The following CFTR variants were observed in gnomAD, a reference collection of about 807,000 sequenced individuals.
The protein encoded by CFTR is CF transmembrane conductance regulator, also known as cystic fibrosis transmembrane conductance regulator.
A neutral mutation model predicts 171.6 loss-of-function variants in CFTR; 181 were observed. That is an observed-to-expected ratio of 1.05 (90% CI 0.93 to 1.19). The LOEUF (loss-of-function observed/expected upper bound fraction) is 1.19, where lower values mean the gene tolerates loss of function less well. CFTR is among the 50% of genes most tolerant of loss of function. CFTR has a pLI of 0.00. For synonymous variants in CFTR, 583 were observed against 608.0 expected, an observed-to-expected ratio of 0.96 and a Z score of 0.60; for missense variants, 1,968 against 1,734.7, an observed-to-expected ratio of 1.13 and a Z score of -2.39.
intron 16 of CFTR, 108 bp downstream of exon 16, chr7:117,602,971 C>A: frequency 9.4e-7 from 1 of 1,063,588 alleles, no homozygotes; most frequent in South Asian, 1.3e-5. Flanking sequence ...TCATTTCTCC[C>A]AAGCATTATG....
Position 117,612,054 on chromosome 7 carries a change from CA to C in CFTR, c.3367+247del, listed in dbSNP as rs1347214848. Among the ~76,000 whole-genome samples, 5 of 46,516 alleles carry C rather than the reference CA, an allele frequency of 1.1e-4. 1 individual carries two copies. The highest frequency in any genetic ancestry group is 6.0e-4 in the South Asian group (1 of 1,680). 30.5% of individuals were successfully genotyped at this position (46,516 alleles called of 152,430 possible). A position where few individuals can be genotyped will look rare whatever the true frequency, so the allele number is the denominator to read the frequency against. On this transcript the variant is annotated intron_variant, in intron 20 of 26. Transcript: ENST00000003084. ...ATATATATATATATATATATATATA[CA>C]TATATATATATAGTATTATCCCTGT...
At chr7:117,501,796 AAAG>A (rs1798336915) in intron 1 of CFTR, among the ~76,000 whole-genome samples, 1 of 150,236 alleles carries the variant, frequency 6.7e-6, no homozygotes, top group African/African-American at 2.5e-5. Flanking sequence ...AAAAAAACAA[AAAG>A]CAAACAAACA....
rs145739042 is a variant in CFTR, at chr7:117,581,792, C to T, written c.1585-5947C>T. ...TTGAGACAAGATCTTACTCTGTCAC[C>T]CAGGCTGGAGTGCAATGGAGTGATC... On this transcript the variant is annotated intron_variant, in intron 11 of 26. Transcript: ENST00000003084. 7.2e-5 allele frequency among the ~76,000 whole-genome samples: 11 copies of T among 152,134 alleles called. 1 individual carries two copies. In the East Asian group the frequency reaches 2.1e-3, roughly 29 times the overall value.
chr7:117,567,834 A>G (rs1254428843), intron 11 of CFTR, among the ~76,000 whole-genome samples: 1 of 152,210 alleles, frequency 6.6e-6, no homozygotes, highest in Non-Finnish European at 1.5e-5. Flanking sequence ...GAAAACCAGT[A>G]CAGTTTGGTA....
intron 9 of CFTR, 144 bp from the exon 10 acceptor site, chr7:117,548,497 G>T (rs558444098): frequency 6.9e-7 from 1 of 1,441,230 alleles, no homozygotes; most frequent in Non-Finnish European, 9.3e-7. Flanking sequence ...GTACTATAAA[G>T]TAATAATGTA....
intron 4 of CFTR, 149 bp from the exon 5 acceptor site, chr7:117,534,127 G>T: frequency 1.7e-6 from 1 of 579,518 alleles, no homozygotes; most frequent in Non-Finnish European, 3.1e-6. Context: ...AACCTGAGAA[G>T]ATAGTAAGCT....
intron 17 of CFTR, 91 bp from the exon 18 acceptor site, chr7:117,606,583 T>C (rs1792303198): frequency 3.8e-6 from 3 of 782,084 alleles, no homozygotes; most frequent in Non-Finnish European, 6.9e-6. Context: ...TCTGAATGCG[T>C]CTACTGTGAT....
chr7:117,650,727 G>C (rs955525410), intron 23 of CFTR, among the ~76,000 whole-genome samples: 1 of 152,136 alleles, frequency 6.6e-6, no homozygotes, highest in African/African-American at 2.4e-5. Flanking sequence ...CATAGGAAGA[G>C]GAAGCTAATC....
chr7:117,548,570 A>G, intron 9 of CFTR, 71 bp from the exon 10 acceptor site: 12 of 1,567,930 alleles, frequency 7.7e-6, no homozygotes, highest in Non-Finnish European at 9.5e-6. Flanking sequence ...ACAAGCATCT[A>G]TTGAAAATAT....
At chr7:117,498,163 G>A (rs1798268243) in intron 1 of CFTR, among the ~76,000 whole-genome samples, 1 of 152,062 alleles carries the variant, frequency 6.6e-6, no homozygotes, top group African/African-American at 2.4e-5. Flanking sequence ...TTGTTTAGCA[G>A]CAAATAATTA....
In CFTR at chr7:117,667,400, T is replaced by A. The variant is rs1422026557; in HGVS notation, c.*292T>A. The A allele has an allele frequency of 2.5e-6, 1 of 399,214 alleles. No homozygotes were observed. The highest frequency in any genetic ancestry group is 2.1e-5 in the African/African-American group (1 of 48,634). 24.7% of individuals were successfully genotyped at this position (399,214 alleles called of 1,614,324 possible). On this transcript the variant is annotated 3_prime_UTR_variant, in exon 27 of 27. Coordinates refer to ENST00000003084, the MANE Select transcript of CFTR (RefSeq NM_000492.4). ...GATTTTCCTGAAAACCCTTGCCATG[T>A]GCTAGTAATTGGAAAGGCAGCTCTA...
chr7:117,587,716 T>C, intron 11 of CFTR, 23 bp from the exon 12 acceptor site: 1 of 1,401,706 alleles, frequency 7.1e-7, no homozygotes, highest in South Asian at 1.2e-5. Flanking sequence ...AGTGACTCTC[T>C]AATTTTCTAT....
chr7:117,587,842 CTAAT>C lies in CFTR; in HGVS notation c.1679+12_1679+15del. The C allele has an allele frequency of 6.7e-7, 1 of 1,499,868 alleles. No individual in the cohort carries two copies. The highest frequency in any genetic ancestry group is 9.3e-7 in the Non-Finnish European group (1 of 1,076,118). The allele number at this position is 1,499,868 out of a possible 1,614,324, so 92.9% of individuals were successfully genotyped here. ...AGAATTTCTTTAGCAAGGTGAATAA[CTAAT>C]TATTGGTCTAGCAAGCATTTGCTGT... On this transcript the variant is annotated intron_variant, in intron 12 of 26. Transcript: ENST00000003084.
intron 20 of CFTR, among the ~76,000 whole-genome samples, chr7:117,612,023 G>GTATATA (rs772661286): frequency 0.041 from 2,162 of 52,894 alleles, 157 homozygotes; most frequent in South Asian, 0.054. Context: ...ATATATATAT[G>GTATATA]TATATATATA....
At chr7:117,567,201 T>C (rs879825732) in intron 11 of CFTR, among the ~76,000 whole-genome samples, 3 of 152,214 alleles carry the variant, frequency 2.0e-5, no homozygotes, top group Non-Finnish European at 4.4e-5. Context: ...CTCTACACTC[T>C]TAGCGTTTTC....
chr7:117,502,759 G>A (rs900455828), intron 1 of CFTR, among the ~76,000 whole-genome samples: 1 of 152,174 alleles, frequency 6.6e-6, no homozygotes, highest in African/African-American at 2.4e-5. Context: ...ATCAGACTGG[G>A]CAATGAAGGG....
At chr7:117,539,709 A>G (rs989556319) in intron 7 of CFTR, among the ~76,000 whole-genome samples, 4 of 152,118 alleles carry the variant, frequency 2.6e-5, no homozygotes, top group African/African-American at 9.7e-5. Flanking sequence ...TAATTACTTA[A>G]AACACCAACC....
At chr7:117,506,040 C>T (rs1311328884) in intron 2 of CFTR, among the ~76,000 whole-genome samples, 1 of 151,732 alleles carries the variant, frequency 6.6e-6, no homozygotes, top group African/African-American at 2.4e-5. Context: ...TGATGTATCC[C>T]CAAGTGCCTA....
At chr7:117,549,767 G>A (rs866810323) in intron 10 of CFTR, among the ~76,000 whole-genome samples, 5 of 151,654 alleles carry the variant, frequency 3.3e-5, no homozygotes, top group Non-Finnish European at 5.9e-5. Context: ...GAATTATACC[G>A]AATAATCTAA....
Sources: allele counts gnomAD v4.1 joint callset (sites outside exome capture counted in the v4.1 genomes callset), GRCh38; gene constraint gnomAD v4.1.1; transcripts MANE v1.5; gene names NCBI Gene and HGNC (gene_info 2026-07-23, HGNC 2026-07-21).